RFC3: variants seen among roughly 807,000 people sequenced by gnomAD.
The protein encoded by RFC3 is A1 38 kDa subunit.
RFC3 carries 41 observed loss-of-function variants against 45.1 expected under a neutral mutation model. The ratio of observed to expected loss-of-function variants is 0.91; its 90% CI spans 0.71 to 1.18. RFC3 has a LOEUF of 1.18. Among genes scored for constraint, RFC3 ranks in the 50% most tolerant of loss-of-function variants. The probability of loss-of-function intolerance (pLI) is 0.00; values close to 1 mark genes in which losing one functional copy is unlikely to be tolerated. For synonymous variants in RFC3, 149 were observed against 144.0 expected, an observed-to-expected ratio of 1.03 and a Z score of -0.25; for missense variants, 423 against 428.1, an observed-to-expected ratio of 0.99 and a Z score of 0.10.
intron 8 of RFC3, chr13:33,846,492 T>G (rs2082237861): frequency 6.6e-6 from 1 of 152,114 alleles, no homozygotes; most frequent in Non-Finnish European, 1.5e-5. Flanking sequence ...CAAGACAAAG[T>G]CCTCTTTACT....
At chr13:33,882,864 A>G (rs892579078) in intron 8 of RFC3, among the ~76,000 whole-genome samples, 2 of 152,212 alleles carry the variant, frequency 1.3e-5, no homozygotes, top group African/African-American at 4.8e-5. Flanking sequence ...GTGGGATCAT[A>G]CAGGATATAT....
chr13:33,865,094 G>GACATAGAA (rs2082364845), intron 8 of RFC3, among the ~76,000 whole-genome samples: 1 of 152,146 alleles, frequency 6.6e-6, no homozygotes, highest in Non-Finnish European at 1.5e-5. Flanking sequence ...GAAGAATGAA[G>GACATAGAA]ACATAGAAAC....
At chr13:33,951,107 A>AAATCACT (rs2082987895) in intron 8 of RFC3, among the ~76,000 whole-genome samples, 2 of 127,192 alleles carry the variant, frequency 1.6e-5, no homozygotes, top group Admixed American at 1.9e-4. Context: ...TTTTGGTGGT[A>AAATCACT]AATCACTCTC....
intron 8 of RFC3, among the ~76,000 whole-genome samples, chr13:33,915,804 A>G (rs2082729363): frequency 6.6e-6 from 1 of 151,362 alleles, no homozygotes; most frequent in African/African-American, 2.4e-5. Flanking sequence ...ATTTCTATAT[A>G]TATATATATT....
chr13:33,835,109 AT>A, intron 7 of RFC3, 38 bp from the exon 8 acceptor site: 2 of 1,396,444 alleles, frequency 1.4e-6, no homozygotes, highest in South Asian at 1.2e-5. Context: ...ATTACCTCTT[AT>A]TTTCTTCACA....
downstream of RFC3, among the ~76,000 whole-genome samples, chr13:33,841,998 T>C (rs762468772): frequency 1.6e-4 from 24 of 152,136 alleles, no homozygotes; most frequent in Non-Finnish European, 2.6e-4. Flanking sequence ...GAAAATATTA[T>C]GTGGCCAGGT....
intron 8 of RFC3, among the ~76,000 whole-genome samples, chr13:33,885,620 A>G (rs1388531058): frequency 6.6e-6 from 1 of 152,264 alleles, no homozygotes; most frequent in Non-Finnish European, 1.5e-5. Context: ...GTGTCTTGAT[A>G]GAATAAAACA....
chr13:33,882,162 C>T (rs975027326), intron 8 of RFC3, among the ~76,000 whole-genome samples: 4 of 152,058 alleles, frequency 2.6e-5, no homozygotes, highest in Admixed American at 2.0e-4. Context: ...CTGATGTTAG[C>T]ATCTTATGTA....
At chr13:33,953,472 G>A (rs1348125512) in intron 8 of RFC3, among the ~76,000 whole-genome samples, 1 of 152,044 alleles carries the variant, frequency 6.6e-6, no homozygotes, top group African/African-American at 2.4e-5. Flanking sequence ...CTTCTCAACA[G>A]TGAGTAGAAA....
chr13:33,961,749 A>G (rs2083058485), intron 8 of RFC3, among the ~76,000 whole-genome samples: 1 of 152,208 alleles, frequency 6.6e-6, no homozygotes, highest in Non-Finnish European at 1.5e-5. Flanking sequence ...CACAGTCAGA[A>G]AGCCCATGGC....
intron 8 of RFC3, among the ~76,000 whole-genome samples, chr13:33,909,586 T>G (rs974106644): frequency 6.6e-6 from 1 of 152,102 alleles, no homozygotes; most frequent in African/African-American, 2.4e-5. Flanking sequence ...TTTCTTCTAT[T>G]CTTCTTTCTG....
intron 8 of RFC3, among the ~76,000 whole-genome samples, chr13:33,943,352 A>G (rs867298831): frequency 4.6e-5 from 7 of 152,208 alleles, no homozygotes; most frequent in South Asian, 4.1e-4. Flanking sequence ...GCTGCTTAAT[A>G]GATTACCACA....
At chr13:33,887,097 G>C (rs1414312335) in intron 8 of RFC3, among the ~76,000 whole-genome samples, 1 of 145,102 alleles carries the variant, frequency 6.9e-6, no homozygotes, top group Non-Finnish European at 1.5e-5. Context: ...ATAAACATAC[G>C]TGTGCATGTG....
chr13:33,835,006 T>A, intron 7 of RFC3, 142 bp from the exon 8 acceptor site: 1 of 553,894 alleles, frequency 1.8e-6, no homozygotes, highest in Non-Finnish European at 3.2e-6. Context: ...GGATTGTTTG[T>A]TAATTCATAA....
At chr13:33,834,145 A>G (rs2082128121) in intron 7 of RFC3, among the ~76,000 whole-genome samples, 1 of 150,960 alleles carries the variant, frequency 6.6e-6, no homozygotes, top group African/African-American at 2.4e-5. Flanking sequence ...TGCCCCAGAA[A>G]TGCTAGTTCT....
chr13:33,931,211 C>T (rs7335557), intron 8 of RFC3, among the ~76,000 whole-genome samples: 17,704 of 152,030 alleles, frequency 0.12, 1,310 homozygotes, highest in Admixed American at 0.21. Context: ...ATGCTGCTCA[C>T]GATGGCAATG....
At chr13:33,923,691 A>G (rs1357126690) in intron 8 of RFC3, among the ~76,000 whole-genome samples, 2 of 152,110 alleles carry the variant, frequency 1.3e-5, no homozygotes, top group Non-Finnish European at 2.9e-5. Flanking sequence ...GGCTGATGCA[A>G]TGACGAGAGG....
intron 8 of RFC3, among the ~76,000 whole-genome samples, chr13:33,933,999 G>C (rs1401354984): frequency 6.6e-6 from 1 of 151,656 alleles, no homozygotes; most frequent in Non-Finnish European, 1.5e-5. Context: ...AGAGGAGAAG[G>C]TGGTGGGGAA....
At chr13:33,924,790 A>G (rs2082792851) in intron 8 of RFC3, among the ~76,000 whole-genome samples, 1 of 149,620 alleles carries the variant, frequency 6.7e-6, no homozygotes, top group African/African-American at 2.4e-5. Flanking sequence ...TTGTTCAGAG[A>G]GTACAAACTT....
Sources: allele counts gnomAD v4.1 joint callset (sites outside exome capture counted in the v4.1 genomes callset), GRCh38; gene constraint gnomAD v4.1.1; transcripts MANE v1.5; gene names NCBI Gene and HGNC (gene_info 2026-07-23, HGNC 2026-07-21).